PLAAT4: variants seen among roughly 807,000 people sequenced by gnomAD.
PLAAT4 encodes phospholipase A and acyltransferase 4, also known as HRAS-like suppressor 4.
PLAAT4 carries 12 observed loss-of-function variants against 14.1 expected under a neutral mutation model. The observed-to-expected ratio is 0.85, with a 90% confidence interval of 0.54 to 1.37. The LOEUF (loss-of-function observed/expected upper bound fraction) is 1.37. PLAAT4 is among the 40% of genes most tolerant of loss of function. The pLI is 0.00. For missense variants in PLAAT4, 163 were observed against 211.7 expected (o/e 0.77, Z 1.43); for synonymous variants, 77 against 79.8 (o/e 0.96, Z 0.19).
Position 63,544,906 on chromosome 11 carries a change from A to G in PLAAT4, c.387+17A>G, listed in dbSNP as rs1482215712. The G allele has an allele frequency of 6.2e-7, 1 of 1,614,194 alleles. No individual in the cohort carries two copies. Among genetic ancestry groups the G allele is most frequent in the East Asian group, 2.2e-5 (1 of 44,884 alleles). ...TGTAAACAGGTAAGGACCTCTCTGGATAATCCATCTCCCTCTGCTTGGGGC... is the reference window on the plus strand; with the variant it reads ...TGTAAACAGGTAAGGACCTCTCTGGGTAATCCATCTCCCTCTGCTTGGGGC... On this transcript the variant is annotated intron_variant, in intron 3 of 3. Coordinates refer to ENST00000255688, the MANE Select transcript of PLAAT4 (RefSeq NM_004585.5).
chr11:63,546,453 C>T lies in PLAAT4; in HGVS notation c.*197C>T, dbSNP rs571146919. On this transcript the variant is annotated 3_prime_UTR_variant, in exon 4 of 4. Coordinates refer to ENST00000255688, the MANE Select transcript of PLAAT4 (RefSeq NM_004585.5). ...AAGGATCAATAAACAGCCATCTGCC[C>T]CTTCAGAAAGGACTTCTACCATGTT... 200 of 563,904 alleles carry T rather than the reference C, an allele frequency of 3.5e-4. 1 individual carries two copies. The highest frequency in any genetic ancestry group is 8.2e-4 in the South Asian group (37 of 44,982). The allele number at this position is 563,904 out of a possible 1,614,324, so 34.9% of individuals were successfully genotyped here. A position where few individuals can be genotyped will look rare whatever the true frequency, so the allele number is the denominator to read the frequency against.
At chr11:63,544,061 G>A (rs2017342637) in intron 2 of PLAAT4, among the ~76,000 whole-genome samples, 2 of 152,190 alleles carry the variant, frequency 1.3e-5, no homozygotes, top group South Asian at 4.1e-4. Flanking sequence ...AGCACAGCAT[G>A]GTAACTGAAA....
At chr11:63,536,951 A>G (rs1428050444) in intron 1 of PLAAT4, 74 bp downstream of exon 1, 3 of 1,550,896 alleles carry the variant, frequency 1.9e-6, no homozygotes, top group South Asian at 2.4e-5. Flanking sequence ...GCCTCAGTCC[A>G]GGCTCCTGGC....
At chr11:63,543,338 T>C (rs1268372190) in intron 2 of PLAAT4, among the ~76,000 whole-genome samples, 1 of 152,210 alleles carries the variant, frequency 6.6e-6, no homozygotes, top group African/African-American at 2.4e-5. Flanking sequence ...GCAAACCCCA[T>C]TGGGAACTGC....
rs113042874 is a variant in PLAAT4, at chr11:63,545,573, T to C, written c.388-576T>C. On this transcript the variant is annotated intron_variant, in intron 3 of 3. Transcript: ENST00000255688. ...GCATGTGATGTCTGAGGTGCCCCAT[T>C]AGAGGCCCAGGTGGAGATAAGGCAT... 8.6e-3 allele frequency among the ~76,000 whole-genome samples: 1,307 copies of C among 152,122 alleles called. 22 individuals are homozygous for C. Among genetic ancestry groups the C allele is most frequent in the African/African-American group, 0.03 (1,230 of 41,494 alleles).
At chr11:63,541,695 T>C (rs2017323437) in intron 2 of PLAAT4, among the ~76,000 whole-genome samples, 1 of 152,038 alleles carries the variant, frequency 6.6e-6, no homozygotes, top group Non-Finnish European at 1.5e-5. Context: ...TAAAGAAAAT[T>C]TTGAAAGAAA....
chr11:63,538,432 T>G (rs2017291500), intron 1 of PLAAT4: 1 of 356,054 alleles, frequency 2.8e-6, no homozygotes, highest in Non-Finnish European at 5.6e-6. Flanking sequence ...GATGGGATAT[T>G]GACAAGCACA....
intron 1 of PLAAT4, chr11:63,538,534 G>A (rs1040136628): frequency 1.7e-5 from 4 of 237,526 alleles, no homozygotes; most frequent in African/African-American, 9.5e-5. Flanking sequence ...CAGACCCCAG[G>A]TCTATGATGG....
intron 2 of PLAAT4, among the ~76,000 whole-genome samples, chr11:63,542,899 T>C (rs1279675734): frequency 2.0e-5 from 3 of 152,212 alleles, no homozygotes; most frequent in African/African-American, 7.2e-5. Context: ...AAAACAATGC[T>C]TGTGGAAAAC....
At chr11:63,537,818 C>T (rs754874829) in intron 1 of PLAAT4, among the ~76,000 whole-genome samples, 3 of 152,214 alleles carry the variant, frequency 2.0e-5, no homozygotes, top group Non-Finnish European at 2.9e-5. Flanking sequence ...CCCCATTCTA[C>T]GCCAGGCCCT....
chr11:63,540,096 T>C lies in PLAAT4; in HGVS notation c.118+472T>C, dbSNP rs146347022. 2.0e-5 allele frequency among the ~76,000 whole-genome samples: 3 copies of C among 152,276 alleles called. No homozygotes were observed. The East Asian group carries it at 5.8e-4, about 29-fold the overall frequency. On this transcript the variant is annotated intron_variant, in intron 2 of 3. Transcript: ENST00000255688. The stretch of plus-strand genomic sequence containing the variant: ...CATATGTCCCATGAAGTAGACACAG[T>C]GCATTCCATAGGTCCTGGCAGAACG...
chr11:63,539,684 G>C, intron 2 of PLAAT4, 60 bp downstream of exon 2: 6 of 1,325,392 alleles, frequency 4.5e-6, no homozygotes, highest in Non-Finnish European at 6.3e-6. Context: ...TGAGAGGGCC[G>C]GGCACGGTGG....
Position 63,544,673 on chromosome 11 carries a change from T to G in PLAAT4, c.171T>G (p.Ser57Arg). 2 of 1,614,088 alleles carry G rather than the reference T, an allele frequency of 1.2e-6. No individual in the cohort carries two copies. Among genetic ancestry groups the G allele is most frequent in the African/African-American group, 2.7e-5 (2 of 74,996 alleles). ...GTGTCTTCTCAGTCCTGAGCAACAG[T>G]GCAGAGGTGAAACGGGAGCGCCTGG... ...SSSVFSVLSNSAEVKRERLED... is the reference protein window; with the variant it reads ...SSSVFSVLSNRAEVKRERLED... Residue 57 changes from serine to arginine, a missense_variant, in exon 3 of 4, where the codon AGT becomes AGG. By Grantham distance (110) the Ser-to-Arg change is moderately radical. Coordinates refer to ENST00000255688, the MANE Select transcript of PLAAT4 (RefSeq NM_004585.5).
chr11:63,539,484 C>T (rs753869760), intron 1 of PLAAT4, 32 bp from the exon 2 acceptor site: 24 of 1,575,444 alleles, frequency 1.5e-5, no homozygotes, highest in East Asian at 4.5e-5. Flanking sequence ...CCTAGAAGGC[C>T]GGGTACTCCA....
At chr11:63,543,836 A>G (rs1299067140) in intron 2 of PLAAT4, among the ~76,000 whole-genome samples, 2 of 152,202 alleles carry the variant, frequency 1.3e-5, no homozygotes, top group Admixed American at 1.3e-4. Context: ...GACAGAAGAC[A>G]CTTTACAAAG....
chr11:63,542,886 T>C (rs2017332625), intron 2 of PLAAT4, among the ~76,000 whole-genome samples: 1 of 152,228 alleles, frequency 6.6e-6, no homozygotes. Context: ...TTACAGTGTA[T>C]GTAAAACAAT....
chr11:63,539,517 C>A lies in PLAAT4; in HGVS notation c.11C>A (p.Pro4Gln), dbSNP rs1451734329. 1.9e-6 allele frequency: 3 copies of A among 1,613,540 alleles called. No individual in the cohort carries two copies. In the African/African-American group the frequency reaches 4.0e-5, roughly 22 times the overall value. Residue 4 changes from proline (P) to glutamine (Q), a missense_variant and splice_region_variant, in exon 2 of 4, where the codon CCA becomes CAA. Pro to Gln is a moderately conservative substitution (Grantham distance 76, BLOSUM62 -1). Transcript: ENST00000255688. MASPHQEPKPGDLI... is the reference protein window; with the variant it reads MASQHQEPKPGDLI... ...CCATCTCTGGCTTTTCTGTTGCAGCCACACCAAGAGCCCAAACCTGGAGAC... is the reference window on the plus strand; with the variant it reads ...CCATCTCTGGCTTTTCTGTTGCAGCAACACCAAGAGCCCAAACCTGGAGAC...
chr11:63,544,927 G>C, intron 3 of PLAAT4, 38 bp downstream of exon 3: 1 of 1,613,962 alleles, frequency 6.2e-7, no homozygotes, highest in Non-Finnish European at 8.5e-7. Context: ...CCCTCTGCTT[G>C]GGGCTGGACT....
intron 2 of PLAAT4, among the ~76,000 whole-genome samples, chr11:63,541,785 T>A (rs1192571480): frequency 6.6e-6 from 1 of 152,192 alleles, no homozygotes; most frequent in African/African-American, 2.4e-5. Context: ...AGTTTTACAT[T>A]TGTATTTTCT....
Sources: gnomAD v4.1 joint callset for allele counts (sites outside exome capture counted in the v4.1 genomes callset) on GRCh38, gnomAD v4.1.1 for gene constraint, MANE v1.5 for transcripts, NCBI Gene and HGNC (gene_info 2026-07-23, HGNC 2026-07-21) for gene names.